Variants in HPGD observed in about 807,000 individuals in gnomAD.
The protein encoded by HPGD is 15-hydroxyprostaglandin dehydrogenase, also known as 15-hydroxyprostaglandin dehydrogenase [NAD(+)].
In HPGD, 29 loss-of-function variants were observed where a neutral mutation model predicts 30.0. The ratio of observed to expected loss-of-function variants is 0.97; its 90% CI spans 0.72 to 1.32. The LOEUF is 1.32. HPGD is among the 40% of genes most tolerant of loss of function. HPGD has a pLI of 0.00. For synonymous variants in HPGD, 99 were observed against 112.4 expected (o/e 0.88, Z 0.75); for missense variants, 340 against 322.1 (o/e 1.06, Z -0.43).
At chr4:174,512,306 T>C (rs965664132) in intron 3 of HPGD, among the ~76,000 whole-genome samples, 1 of 152,190 alleles carries the variant, frequency 6.6e-6, no homozygotes, top group African/African-American at 2.4e-5. Context: ...TTGAAAGAAC[T>C]TGTGGTTTAC....
chr4:174,502,387 T>C (rs1023015048), intron 4 of HPGD, among the ~76,000 whole-genome samples: 5 of 152,074 alleles, frequency 3.3e-5, no homozygotes, highest in Non-Finnish European at 5.9e-5. Flanking sequence ...CATTAAAAAG[T>C]GACACATGCG....
intron 3 of HPGD, among the ~76,000 whole-genome samples, chr4:174,515,161 AC>A (rs1456785793): frequency 4.6e-5 from 7 of 152,338 alleles, no homozygotes; most frequent in Admixed American, 3.9e-4. Flanking sequence ...ATTAAAAAAA[AC>A]AATTTTCAAA....
intron 2 of HPGD, among the ~76,000 whole-genome samples, chr4:174,520,233 A>C (rs1173820862): frequency 6.6e-6 from 1 of 152,118 alleles, no homozygotes; most frequent in Admixed American, 6.5e-5. Flanking sequence ...GTTTTCTGAC[A>C]TCCCATTGAA....
At chr4:174,515,823 G>A (rs570185663) in intron 3 of HPGD, among the ~76,000 whole-genome samples, 1 of 151,970 alleles carries the variant, frequency 6.6e-6, no homozygotes, top group South Asian at 2.1e-4. Flanking sequence ...GACATAAAGA[G>A]ACTTCTGTGA....
intron 4 of HPGD, among the ~76,000 whole-genome samples, chr4:174,502,919 C>T (rs944825053): frequency 2.0e-5 from 3 of 152,012 alleles, no homozygotes; most frequent in Non-Finnish European, 4.4e-5. Flanking sequence ...GTTCAAGGAG[C>T]GGTATCACCT....
chr4:174,519,073 G>GGCC (rs1218015378), intron 2 of HPGD, among the ~76,000 whole-genome samples: 1 of 152,116 alleles, frequency 6.6e-6, no homozygotes, highest in Non-Finnish European at 1.5e-5. Context: ...TATTGGGGAA[G>GGCC]ACATGGATTA....
intron 4 of HPGD, among the ~76,000 whole-genome samples, chr4:174,497,751 T>A (rs1230699679): frequency 6.6e-6 from 1 of 151,704 alleles, no homozygotes; most frequent in Non-Finnish European, 1.5e-5. Context: ...CTAATTTTTG[T>A]ATTTTTAGTA....
rs1228266123 is a variant in HPGD, at chr4:174,513,758, A to C, written c.324+4213T>G. On this transcript the variant is annotated intron_variant, in intron 3 of 6. Coordinates refer to ENST00000296522, the MANE Select transcript of HPGD (RefSeq NM_000860.6). ...AAAAAGGTAGGTGAATGTGAATCCA[A>C]AGAAAATGATAGGGTACTAATTTTA... Among the ~76,000 whole-genome samples the C allele has an allele frequency of 4.6e-5, 7 of 152,018 alleles. No individual in the cohort carries two copies. In the East Asian group the frequency reaches 1.3e-3, roughly 29 times the overall value.
chr4:174,519,697 T>C (rs1735981571), intron 2 of HPGD, among the ~76,000 whole-genome samples: 1 of 152,142 alleles, frequency 6.6e-6, no homozygotes, highest in Non-Finnish European at 1.5e-5. Flanking sequence ...TGACCCCCAC[T>C]GCTGCCCACC....
chr4:174,501,411 A>G (rs1734892826), intron 4 of HPGD, among the ~76,000 whole-genome samples: 1 of 152,182 alleles, frequency 6.6e-6, no homozygotes, highest in Admixed American at 6.5e-5. Flanking sequence ...TTTGTTTAAC[A>G]TTGTGAGAAA....
intron 1 of HPGD, 68 bp downstream of exon 1, chr4:174,522,291 C>T (rs1439349087): frequency 8.1e-6 from 12 of 1,472,910 alleles, no homozygotes; most frequent in African/African-American, 1.4e-5. Context: ...GCCAGTGCAC[C>T]TCGGGCGGCG....
intron 2 of HPGD, among the ~76,000 whole-genome samples, chr4:174,520,642 G>T (rs1736056850): frequency 6.6e-6 from 1 of 152,002 alleles, no homozygotes; most frequent in Admixed American, 6.6e-5. Context: ...TAAATACTGG[G>T]AAAAAAACAA....
At chr4:174,501,400 TTTTG>T (rs1734892564) in intron 4 of HPGD, among the ~76,000 whole-genome samples, 1 of 152,198 alleles carries the variant, frequency 6.6e-6, no homozygotes, top group Non-Finnish European at 1.5e-5. Flanking sequence ...AGAAATGGCA[TTTTG>T]TTTAACATTG....
rs566120598 is a variant in HPGD at position 174,496,691 on chromosome 4, T to G, written c.422-1067A>C. Among the ~76,000 whole-genome samples, 1 of 152,310 alleles carries G rather than the reference T, an allele frequency of 6.6e-6. No homozygotes were observed. The highest frequency in any genetic ancestry group is 1.5e-5 in the Non-Finnish European group (1 of 68,030). On this transcript the variant is annotated intron_variant, in intron 4 of 6. Coordinates refer to ENST00000296522, the MANE Select transcript of HPGD (RefSeq NM_000860.6). The surrounding 1 kb of genome is among the most constrained non-coding windows in gnomAD (Gnocchi z 4.6). ...AAATGTCATGCTAATAATACCAAAT[T>G]ATTCTGCTGAGACATGCTCATCTCC...
At chr4:174,503,890 T>G (rs758030648) in intron 4 of HPGD, among the ~76,000 whole-genome samples, 5 of 152,018 alleles carry the variant, frequency 3.3e-5, no homozygotes, top group Non-Finnish European at 7.4e-5. Context: ...ACCCAGCTAA[T>G]TTTTAAAAAT....
intron 2 of HPGD, among the ~76,000 whole-genome samples, chr4:174,519,554 TGCC>T (rs1186889110): frequency 6.6e-6 from 1 of 152,134 alleles, no homozygotes; most frequent in African/African-American, 2.4e-5. Context: ...GGCCTGTTCC[TGCC>T]TTAACTGATG....
chr4:174,501,192 G>A (rs1280282903), intron 4 of HPGD, among the ~76,000 whole-genome samples: 2 of 152,110 alleles, frequency 1.3e-5, no homozygotes, highest in Non-Finnish European at 2.9e-5. Flanking sequence ...GAATTTTACC[G>A]GTTGAAGAGC....
At chr4:174,501,233 T>C (rs1311874804) in intron 4 of HPGD, among the ~76,000 whole-genome samples, 1 of 152,200 alleles carries the variant, frequency 6.6e-6, no homozygotes, top group Non-Finnish European at 1.5e-5. Context: ...ATAGGACCAG[T>C]TACTATAACT....
chr4:174,511,052 A>T (rs1332453088), intron 3 of HPGD, among the ~76,000 whole-genome samples: 1 of 152,228 alleles, frequency 6.6e-6, no homozygotes, highest in Middle Eastern at 3.2e-3. Context: ...TAAGCGTAAC[A>T]GTCCTTAGAG....
Sources: gnomAD v4.1 joint callset for allele counts (sites outside exome capture counted in the v4.1 genomes callset) on GRCh38, gnomAD v4.1.1 for gene constraint, Gnocchi (gnomAD v3.1) non-coding constraint, MANE v1.5 for transcripts, NCBI Gene and HGNC (gene_info 2026-07-23, HGNC 2026-07-21) for gene names.